TMEM67: variants seen among roughly 807,000 people sequenced by gnomAD.
The protein encoded by TMEM67 is transmembrane protein 67, also known as meckelin.
Under a neutral mutation model 136.6 loss-of-function variants are expected in TMEM67, and 124 were observed. The ratio of observed to expected loss-of-function variants is 0.91; its 90% CI spans 0.78 to 1.05. The LOEUF is 1.05. TMEM67 is among the 50% of genes least tolerant of loss of function. The pLI is 0.00. For synonymous variants in TMEM67, 364 were observed against 390.5 expected (o/e 0.93, Z 0.80); for missense variants, 1,107 against 1,178.4 (o/e 0.94, Z 0.89).
At chr8:93,758,654 A>G in intron 3 of TMEM67, 78 bp downstream of exon 3, 1 of 1,178,726 alleles carries the variant, frequency 8.5e-7, no homozygotes, top group Non-Finnish European at 1.3e-6. Context: ...AAGGGCACTA[A>G]TTTAAATAGT....
In TMEM67 at chr8:93,795,950, G is replaced by A. The variant is rs146130549; in HGVS notation, c.1823G>A (p.Arg608His). 9.9e-6 allele frequency: 16 copies of A among 1,613,582 alleles called. No individual in the cohort carries two copies. In the African/African-American group the frequency reaches 1.1e-4, roughly 11 times the overall value. The change falls in exon 18 of 28, where the codon CGT (arginine) becomes CAT (histidine). Residue 608 changes from arginine to histidine, a missense_variant. This residue lies in a region of TMEM67 where 925 missense variants were observed against 1,002.4 expected (regional missense o/e 0.92). Transcript: ENST00000453321. ...VLLPMPIQEE[R>H]FVTYVGCAFA... ...CTGCCAATGCCAATTCAGGAAGAAC[G>A]TTTTGTCACTTATGTTGGATGTGCC... is the stretch of plus-strand genomic sequence containing the variant.
At chr8:93,798,507 TGG>T (rs1395968731) in intron 20 of TMEM67, among the ~76,000 whole-genome samples, 1 of 152,218 alleles carries the variant, frequency 6.6e-6, no homozygotes, top group African/African-American at 2.4e-5. Flanking sequence ...AGTTATTTCA[TGG>T]ATTTGGTTGG....
intron 22 of TMEM67, 127 bp from the exon 23 acceptor site, chr8:93,804,635 T>C (rs1477817588): frequency 3.8e-5 from 24 of 624,130 alleles, no homozygotes; most frequent in Non-Finnish European, 5.7e-5. Context: ...TATTATCCTC[T>C]TTATATATTT....
chr8:93,810,476 A>T (rs1465785368), intron 26 of TMEM67, among the ~76,000 whole-genome samples: 1 of 151,974 alleles, frequency 6.6e-6, no homozygotes, highest in African/African-American at 2.4e-5. Flanking sequence ...GTTACTTGGG[A>T]GGCTGAGGCA....
At position 93,797,092 on chromosome 8, in the gene TMEM67, C is replaced by T. The variant is rs374747794; in HGVS notation, c.1861-42C>T. 7.5e-4 allele frequency: 888 copies of T among 1,182,258 alleles called. 1 individual carries two copies. The highest frequency in any genetic ancestry group is 9.7e-4 in the Non-Finnish European group (765 of 789,524). 73.2% of individuals were successfully genotyped at this position (1,182,258 alleles called of 1,614,324 possible). ...ATATTGGTTTTATAAGCAGACTTAA[C>T]GCTGGTACTTTTTCAGGTGTTTTAT... On this transcript the variant is annotated intron_variant, in intron 18 of 27. Transcript: ENST00000453321.
At chr8:93,803,319 A>C (rs992928946) in intron 21 of TMEM67, among the ~76,000 whole-genome samples, 4 of 152,218 alleles carry the variant, frequency 2.6e-5, no homozygotes, top group African/African-American at 9.6e-5. Flanking sequence ...CATTTTTAAA[A>C]GACTTTTTCT....
At chr8:93,820,564 C>T (rs980728231), downstream of TMEM67, among the ~76,000 whole-genome samples, 12 of 152,094 alleles carry the variant, frequency 7.9e-5, no homozygotes, top group Admixed American at 4.6e-4. Context: ...GTTCAAGTCC[C>T]GGCTGCACCA....
At chr8:93,777,424 C>T (rs962791033) in intron 7 of TMEM67, among the ~76,000 whole-genome samples, 2 of 151,980 alleles carry the variant, frequency 1.3e-5, no homozygotes, top group African/African-American at 4.8e-5. Flanking sequence ...TGCTTCTTTA[C>T]TTCTTTTAAC....
chr8:93,827,505 C>A, the TMEM67 span, among the ~76,000 whole-genome samples: 3 of 152,140 alleles, frequency 2.0e-5, no homozygotes, highest in East Asian at 5.8e-4. Flanking sequence ...GCAAGCGATC[C>A]TCCTGCCTCA....
At chr8:93,827,167 A>G in the TMEM67 span, among the ~76,000 whole-genome samples, 1 of 152,132 alleles carries the variant, frequency 6.6e-6, no homozygotes, top group Non-Finnish European at 1.5e-5. Flanking sequence ...TAATCTTGAG[A>G]AGGTGAGCAT....
At chr8:93,812,149 CAA>C (rs563320603) in intron 26 of TMEM67, among the ~76,000 whole-genome samples, 23 of 77,134 alleles carry the variant, frequency 3.0e-4, no homozygotes, top group Non-Finnish European at 2.2e-4. Flanking sequence ...AACTCTGTCT[CAA>C]AAAAAAAAAA....
chr8:93,790,648 A>G (rs187064149), intron 14 of TMEM67, among the ~76,000 whole-genome samples: 2 of 152,308 alleles, frequency 1.3e-5, no homozygotes, highest in Admixed American at 1.3e-4. Flanking sequence ...TACTTCTTTG[A>G]AAACCTCTTT....
intron 13 of TMEM67, among the ~76,000 whole-genome samples, chr8:93,787,594 T>C (rs1814169584): frequency 6.6e-6 from 1 of 152,238 alleles, no homozygotes; most frequent in South Asian, 2.1e-4. Context: ...TCTCAGATGG[T>C]ACATTTTTGG....
intron 22 of TMEM67, among the ~76,000 whole-genome samples, 179 bp from the exon 23 acceptor site, chr8:93,804,583 T>TAA (rs200637561): frequency 1.5e-5 from 2 of 137,790 alleles, no homozygotes; most frequent in Non-Finnish European, 3.2e-5. Context: ...TTCAAACATT[T>TAA]AAAAAAAAAA....
At chr8:93,812,722 A>T (rs1390400547) in intron 26 of TMEM67, among the ~76,000 whole-genome samples, 2 of 152,140 alleles carry the variant, frequency 1.3e-5, no homozygotes, top group East Asian at 3.9e-4. Flanking sequence ...CTCAGAAAGG[A>T]AATGTTATTA....
At chr8:93,777,483 G>A (rs1813604296) in intron 7 of TMEM67, among the ~76,000 whole-genome samples, 1 of 152,102 alleles carries the variant, frequency 6.6e-6, no homozygotes. Flanking sequence ...TTCTTATGTG[G>A]GCATTTAGTG....
chr8:93,780,780 T>C, intron 8 of TMEM67, 33 bp downstream of exon 8: 1 of 1,612,620 alleles, frequency 6.2e-7, no homozygotes, highest in Non-Finnish European at 8.5e-7. Context: ...AATGTTATTT[T>C]GACTGAATTC....
At chr8:93,823,530 G>A (rs1231640480), downstream of TMEM67, among the ~76,000 whole-genome samples, 1 of 152,058 alleles carries the variant, frequency 6.6e-6, no homozygotes, top group African/African-American at 2.4e-5. Context: ...TGGGTAGTCT[G>A]CAAAGGCCTG....
At chr8:93,775,580 GTT>G (rs1449755601) in intron 7 of TMEM67, among the ~76,000 whole-genome samples, 2 of 152,292 alleles carry the variant, frequency 1.3e-5, no homozygotes, top group Admixed American at 1.3e-4. Context: ...TGGCTAGCCA[GTT>G]TTCCCAGCAC....
Sources: gnomAD v4.1 joint callset for allele counts (sites outside exome capture counted in the v4.1 genomes callset) on GRCh38, gnomAD v4.1.1 for gene constraint, gnomAD v4.1.1 regional missense constraint, MANE v1.5 for transcripts, NCBI Gene and HGNC (gene_info 2026-07-23, HGNC 2026-07-21) for gene names.